MAF: variants seen among roughly 807,000 people sequenced by gnomAD.
The protein encoded by MAF is transcription factor Maf.
Under a neutral mutation model 22.0 loss-of-function variants are expected in MAF, and 10 were observed. The ratio of observed to expected loss-of-function variants is 0.45; its 90% confidence interval spans 0.28 to 0.77. MAF has a LOEUF of 0.77. Ranked by LOEUF, MAF falls within the 30% of genes least tolerant of loss-of-function variation. The probability of loss-of-function intolerance (pLI) is 0.12; values close to 1 mark genes in which losing one functional copy is unlikely to be tolerated. For synonymous variants in MAF, 337 were observed against 255.8 expected (o/e 1.32, Z -3.03); for missense variants, 544 against 548.4 (o/e 0.99, Z 0.08).
chr16:79,299,592 A>G, the MAF span, among the ~76,000 whole-genome samples: 1 of 152,004 alleles, frequency 6.6e-6, no homozygotes, highest in Admixed American at 6.5e-5. Context: ...ACCCCTCAAC[A>G]AATTTTGTTG....
At chr16:79,589,139 AT>A (rs1230324102), downstream of MAF, among the ~76,000 whole-genome samples, 3 of 152,176 alleles carry the variant, frequency 2.0e-5, no homozygotes, top group African/African-American at 7.2e-5. Flanking sequence ...TAACTTAAGT[AT>A]TCTCACAAAC....
the MAF span, among the ~76,000 whole-genome samples, chr16:79,434,783 G>T: frequency 6.6e-6 from 1 of 152,028 alleles, no homozygotes; most frequent in South Asian, 2.1e-4. Context: ...CATTTTAAAA[G>T]ATTATAAAGA....
chr16:79,238,498 A>G, the MAF span, among the ~76,000 whole-genome samples: 138 of 152,162 alleles, frequency 9.1e-4, 1 homozygote, highest in East Asian at 6.8e-3. Flanking sequence ...ACCTTGTGCC[A>G]AAACATAACA....
chr16:79,385,559 C>G, the MAF span, among the ~76,000 whole-genome samples: 1 of 152,192 alleles, frequency 6.6e-6, no homozygotes, highest in Non-Finnish European at 1.5e-5. Context: ...TAAGATTATA[C>G]TTTACACGTT....
chr16:79,325,322 A>C, the MAF span, among the ~76,000 whole-genome samples: 1 of 152,150 alleles, frequency 6.6e-6, no homozygotes, highest in Non-Finnish European at 1.5e-5. Flanking sequence ...TGGCATTATC[A>C]CGTGCTTCCA....
At chr16:79,440,352 G>A in the MAF span, among the ~76,000 whole-genome samples, 98 of 152,326 alleles carry the variant, frequency 6.4e-4, no homozygotes, top group African/African-American at 2.2e-3. Flanking sequence ...GGTGCCTAGC[G>A]CACAGTAGGT....
intron 1 of MAF, 181 bp downstream of exon 1, chr16:79,598,604 G>GTGTGTGTGTT: frequency 2.0e-6 from 3 of 1,495,018 alleles, no homozygotes; most frequent in Non-Finnish European, 2.7e-6. Flanking sequence ...GTGTGTGTGT[G>GTGTGTGTGTT]TGTGTGGTGT....
the MAF span, among the ~76,000 whole-genome samples, chr16:79,423,922 A>C: frequency 6.6e-6 from 1 of 152,206 alleles, no homozygotes; most frequent in Non-Finnish European, 1.5e-5. Flanking sequence ...TGGTACTAAA[A>C]TGGAAAGAAA....
chr16:79,512,765 G>C, the MAF span, among the ~76,000 whole-genome samples: 16 of 152,190 alleles, frequency 1.1e-4, no homozygotes, highest in African/African-American at 3.4e-4. Context: ...AAAAAATGTG[G>C]GTTTGCTGGT....
chr16:79,347,683 C>A, the MAF span, among the ~76,000 whole-genome samples: 1 of 152,092 alleles, frequency 6.6e-6, no homozygotes, highest in African/African-American at 2.4e-5. Flanking sequence ...GGGGACAGTC[C>A]GGCCATTATC....
the MAF span, among the ~76,000 whole-genome samples, chr16:79,348,474 G>A: frequency 1.3e-5 from 2 of 152,188 alleles, no homozygotes; most frequent in South Asian, 2.1e-4. Context: ...TCTGGGACAC[G>A]TAATGTTATA....
At chr16:79,225,743 G>C in the MAF span, among the ~76,000 whole-genome samples, 2 of 152,154 alleles carry the variant, frequency 1.3e-5, no homozygotes, top group African/African-American at 4.8e-5. Context: ...CTTCTCAAAA[G>C]AAGACATTTA....
Position 79,599,224 on chromosome 16 carries a change from C to A in MAF, c.679G>T (p.Gly227Cys), listed in dbSNP as rs1913816466. The change falls in exon 1 of 2, where the codon GGC becomes TGC. Residue 227 changes from glycine (G) to cysteine (C), a missense_variant. Physicochemically the swap from Gly to Cys is radical, Grantham distance 159. This residue lies in a region of MAF where 342 missense variants were observed against 315.5 expected (regional missense o/e 1.08). Transcript: ENST00000326043. ...CCTCCGCCGCCGCCGCCGCCGCCGC[C>A]GCCCCCAGCGCTGGCCGGGCCACCG... ...GGGGPASAGG[G>C]GGGGGGGGGG... is the part of the protein sequence containing the mutation. 1.0e-6 allele frequency: 1 copy of A among 978,580 alleles called. No homozygotes were observed. Among genetic ancestry groups the A allele is most frequent in the South Asian group, 4.6e-5 (1 of 21,632 alleles). The allele number at this position is 978,580 out of a possible 1,614,324, so 60.6% of individuals were successfully genotyped here.
chr16:79,220,795 T>A, the MAF span, among the ~76,000 whole-genome samples: 3 of 152,222 alleles, frequency 2.0e-5, no homozygotes, highest in Non-Finnish European at 2.9e-5. Flanking sequence ...GGCTTTTATC[T>A]CTGCTGCTGG....
At chr16:79,407,747 C>T in the MAF span, among the ~76,000 whole-genome samples, 1 of 151,964 alleles carries the variant, frequency 6.6e-6, no homozygotes. Context: ...ACAAGAGCAC[C>T]CCTCCGTCCT....
the MAF span, among the ~76,000 whole-genome samples, chr16:79,498,381 T>C: frequency 2.0e-5 from 3 of 152,300 alleles, no homozygotes; most frequent in East Asian, 5.8e-4. Flanking sequence ...AAATTTCATA[T>C]AATCTGTATG....
At chr16:79,221,345 G>T in the MAF span, among the ~76,000 whole-genome samples, 2 of 152,170 alleles carry the variant, frequency 1.3e-5, no homozygotes, top group Non-Finnish European at 2.9e-5. Flanking sequence ...AAAAAATTCA[G>T]TCATGTTACC....
the MAF span, among the ~76,000 whole-genome samples, chr16:79,400,134 T>G: frequency 2.0e-5 from 3 of 152,150 alleles, no homozygotes; most frequent in East Asian, 5.8e-4. Flanking sequence ...TGACATCTAG[T>G]GGGTAGACAC....
chr16:79,544,852 T>C, the MAF span, among the ~76,000 whole-genome samples: 8 of 152,222 alleles, frequency 5.3e-5, no homozygotes, highest in African/African-American at 1.9e-4. Context: ...GCACCTTACT[T>C]ACATTCATTC....
Sources: allele counts gnomAD v4.1 joint callset (sites outside exome capture counted in the v4.1 genomes callset), GRCh38; gene constraint gnomAD v4.1.1; regional missense constraint gnomAD v4.1.1; transcripts MANE v1.5; gene names NCBI Gene and HGNC (gene_info 2026-07-23, HGNC 2026-07-21).